KIF11: variants seen among roughly 807,000 people sequenced by gnomAD.
The protein encoded by KIF11 is kinesin-like protein KIF11.
KIF11 carries 9 observed loss-of-function variants against 121.0 expected under a neutral mutation model. The observed-to-expected ratio is 0.07, with a 90% CI of 0.04 to 0.13. KIF11 has a LOEUF of 0.13. Among genes scored for constraint, KIF11 ranks in the 10% least tolerant of loss-of-function variants. The probability of loss-of-function intolerance (pLI) is 1.00; values close to 1 mark genes in which losing one functional copy is unlikely to be tolerated. For synonymous variants in KIF11, 408 were observed against 421.0 expected (o/e 0.97, Z 0.38); for missense variants, 846 against 1,217.5 (o/e 0.69, Z 4.54).
intron 6 of KIF11, among the ~76,000 whole-genome samples, chr10:92,612,429 C>T (rs939271934): frequency 1.3e-4 from 20 of 152,162 alleles, no homozygotes; most frequent in Non-Finnish European, 2.6e-4. Flanking sequence ...TGAGCTACCA[C>T]CCCTGGCCTG....
intron 1 of KIF11, among the ~76,000 whole-genome samples, chr10:92,605,833 T>C (rs945071553): frequency 1.3e-5 from 2 of 152,088 alleles, no homozygotes; most frequent in African/African-American, 2.4e-5. Context: ...AAAAATAAGT[T>C]TGGCATTTTT....
At position 92,599,990 on chromosome 10, in the gene KIF11, ATT is replaced by A. The variant is rs1193064405; in HGVS notation, c.78-6274_78-6273del. On this transcript the variant is annotated intron_variant, in intron 1 of 21. Coordinates refer to ENST00000260731, the MANE Select transcript of KIF11 (RefSeq NM_004523.4). The stretch of plus-strand genomic sequence containing the variant: ...ATTAACTATTGAACTTCTGTTTATT[ATT>A]ATTATTATTATTTATTTATTTATTA... 1.1e-3 allele frequency among the ~76,000 whole-genome samples: 142 copies of A among 131,452 alleles called. 2 individuals are homozygous for A. The highest frequency in any genetic ancestry group is 3.4e-3 in the African/African-American group (118 of 34,852). The allele number at this position is 131,452 out of a possible 152,430, so 86.2% of individuals were successfully genotyped here. A position where few individuals can be genotyped will look rare whatever the true frequency, so the allele number is the denominator to read the frequency against.
chr10:92,621,554 G>A lies in KIF11; in HGVS notation c.1217+81G>A, dbSNP rs183273964. 3.0e-5 allele frequency: 24 copies of A among 813,084 alleles called. No individual in the cohort carries two copies. The East Asian group carries it at 5.5e-4, about 19-fold the overall frequency. 50.4% of individuals were successfully genotyped at this position (813,084 alleles called of 1,614,324 possible). On this transcript the variant is annotated intron_variant, in intron 10 of 21. Transcript: ENST00000260731. ...TATTTGAAGTAAAACTTATGTAGCA[G>A]TAAGTAAAATCTTTATATCCAGTGC...
At chr10:92,651,509 T>A (rs12241432) in intron 21 of KIF11, among the ~76,000 whole-genome samples, 13,111 of 31,684 alleles carry the variant, frequency 0.41, 1,773 homozygotes, top group African/African-American at 0.6. Context: ...CTAATTTTGT[T>A]TTTTTTTTTT....
intron 1 of KIF11, among the ~76,000 whole-genome samples, chr10:92,596,075 C>T (rs1367130570): frequency 2.0e-5 from 3 of 152,258 alleles, no homozygotes; most frequent in East Asian, 3.9e-4. Context: ...GGTCTTGGCT[C>T]ACACTGCAAG....
At chr10:92,603,263 C>CTTTTTTTTTT (rs368046931) in intron 1 of KIF11, among the ~76,000 whole-genome samples, 37 of 109,160 alleles carry the variant, frequency 3.4e-4, no homozygotes, top group African/African-American at 6.7e-4. Context: ...CTTTTCTTTT[C>CTTTTTTTTTT]TTTTTTTTTT....
At chr10:92,632,972 G>A (rs186828785) in intron 13 of KIF11, among the ~76,000 whole-genome samples, 141 of 149,810 alleles carry the variant, frequency 9.4e-4, no homozygotes, top group African/African-American at 3.3e-3. Flanking sequence ...CCCTGACTCC[G>A]GCTCCTGACC....
chr10:92,595,789 C>G (rs946800056), intron 1 of KIF11, among the ~76,000 whole-genome samples: 49 of 152,140 alleles, frequency 3.2e-4, no homozygotes, highest in Non-Finnish European at 5.3e-4. Flanking sequence ...ATTTTGACTA[C>G]TCTAAGTACT....
At chr10:92,594,325 G>C (rs3824736) in intron 1 of KIF11, among the ~76,000 whole-genome samples, 2 of 152,276 alleles carry the variant, frequency 1.3e-5, no homozygotes, top group East Asian at 3.9e-4. Context: ...ACTCAGCCCT[G>C]GTAACTTGAA....
At chr10:92,621,507 A>T (rs749170622) in intron 10 of KIF11, 34 bp downstream of exon 10, 7 of 1,304,244 alleles carry the variant, frequency 5.4e-6, no homozygotes, top group Non-Finnish European at 7.7e-6. Context: ...ATTTCCAAGA[A>T]TAAGCATTTC....
Position 92,593,279 on chromosome 10 carries a change from A to C in KIF11, c.-97A>C. 7.8e-7 allele frequency: 1 copy of C among 1,283,824 alleles called. No homozygotes were observed. The highest frequency in any genetic ancestry group is 1.4e-5 in the South Asian group (1 of 72,488). The allele number at this position is 1,283,824 out of a possible 1,614,324, so 79.5% of individuals were successfully genotyped here. Reference sequence around the variant, plus strand: ...CAGGCCACGCCAGCGCCCGAGAGGGACCAGGGAGACTCCGGCCCCTGTCGG... The same window carrying C: ...CAGGCCACGCCAGCGCCCGAGAGGGCCCAGGGAGACTCCGGCCCCTGTCGG... On this transcript the variant is annotated 5_prime_UTR_variant, in exon 1 of 22. Coordinates refer to ENST00000260731, the MANE Select transcript of KIF11 (RefSeq NM_004523.4).
At chr10:92,645,252 C>A in intron 17 of KIF11, 111 bp from the exon 18 acceptor site, 1 of 733,622 alleles carries the variant, frequency 1.4e-6, no homozygotes, top group Non-Finnish European at 2.2e-6. Flanking sequence ...GCCCTGGAGC[C>A]AGACTGTCCA....
chr10:92,638,059 A>G (rs1257254879), intron 16 of KIF11, among the ~76,000 whole-genome samples: 2 of 152,340 alleles, frequency 1.3e-5, no homozygotes, highest in African/African-American at 4.8e-5. Flanking sequence ...GTTCCTCATT[A>G]TATGAGGCTT....
chr10:92,634,114 G>C (rs531370677), intron 14 of KIF11, among the ~76,000 whole-genome samples: 1 of 152,082 alleles, frequency 6.6e-6, no homozygotes, highest in Admixed American at 6.6e-5. Flanking sequence ...CTCCCGAGTA[G>C]CTGGGACTAC....
At chr10:92,629,054 C>G (rs1189579421) in intron 11 of KIF11, among the ~76,000 whole-genome samples, 159 bp downstream of exon 11, 2 of 151,974 alleles carry the variant, frequency 1.3e-5, no homozygotes, top group Non-Finnish European at 2.9e-5. Flanking sequence ...GATCTCGGCT[C>G]ACTGTAACCT....
At chr10:92,598,468 C>T (rs1033217681) in intron 1 of KIF11, among the ~76,000 whole-genome samples, 5 of 152,144 alleles carry the variant, frequency 3.3e-5, no homozygotes, top group Admixed American at 1.3e-4. Flanking sequence ...GTCTTTATGT[C>T]AGTACCACAT....
intron 17 of KIF11, among the ~76,000 whole-genome samples, chr10:92,642,361 C>CT (rs749621354): frequency 1.2e-4 from 18 of 152,258 alleles, no homozygotes; most frequent in Non-Finnish European, 2.4e-4. Context: ...TTTTAGAGCC[C>CT]TTGCAGTGTT....
At chr10:92,636,991 C>T (rs1844808725) in intron 14 of KIF11, among the ~76,000 whole-genome samples, 193 bp from the exon 15 acceptor site, 1 of 144,454 alleles carries the variant, frequency 6.9e-6, no homozygotes, top group Non-Finnish European at 1.5e-5. Context: ...CAAGATGTTG[C>T]CACTGTACTC....
At chr10:92,599,984 T>TTTA (rs199888219) in intron 1 of KIF11, among the ~76,000 whole-genome samples, 12,693 of 142,818 alleles carry the variant, frequency 0.089, 1,034 homozygotes, top group African/African-American at 0.22. Context: ...TGAACTTCTG[T>TTTA]TTATTATTAT....
Sources: gnomAD v4.1 joint callset for allele counts (sites outside exome capture counted in the v4.1 genomes callset) on GRCh38, gnomAD v4.1.1 for gene constraint, MANE v1.5 for transcripts, NCBI Gene and HGNC (gene_info 2026-07-23, HGNC 2026-07-21) for gene names.